The following BTBD2 variants were observed in gnomAD, a reference collection of about 807,000 sequenced individuals.
BTBD2 encodes BTB/POZ domain-containing protein 2.
BTBD2 carries 15 observed loss-of-function variants against 44.0 expected under a neutral mutation model. The observed-to-expected ratio is 0.34, with a 90% confidence interval of 0.23 to 0.53. The LOEUF (loss-of-function observed/expected upper bound fraction) is 0.53. Among genes scored for constraint, BTBD2 ranks in the 20% least tolerant of loss-of-function variants. BTBD2 has a pLI of 0.95. For missense variants in BTBD2, 657 were observed against 746.4 expected (o/e 0.88, Z 1.39); for synonymous variants, 443 against 335.9 (o/e 1.32, Z -3.49).
At chr19:1,987,733 C>T (rs1436773728) in intron 5 of BTBD2, 41 bp from the exon 6 acceptor site, 2 of 1,530,132 alleles carry the variant, frequency 1.3e-6, no homozygotes, top group Non-Finnish European at 1.8e-6. Context: ...CGGGCTGCAC[C>T]CCAGGATCCC....
At chr19:2,002,141 G>A (rs931641384) in intron 1 of BTBD2, among the ~76,000 whole-genome samples, 1 of 152,174 alleles carries the variant, frequency 6.6e-6, no homozygotes. Context: ...AAGTGCAGTG[G>A]CACGATCATA....
rs141214800 is a variant in BTBD2, at chr19:1,990,175, C to T, written c.817G>A (p.Asp273Asn). 86 of 1,606,632 alleles carry T rather than the reference C, an allele frequency of 5.4e-5. 1 individual carries two copies. Among genetic ancestry groups the T allele is most frequent in the Admixed American group, 6.8e-5 (4 of 59,182 alleles). The change falls in exon 5 of 9, where the codon GAC (aspartate) becomes AAC (asparagine). Residue 273 changes from aspartate (D) to asparagine (N), a missense_variant. Asp to Asn is a conservative substitution (Grantham distance 23, BLOSUM62 1). Around this residue, in one of 3 missense-constraint regions of BTBD2, gnomAD observed 449 missense variants for 510.9 expected, o/e 0.88. Transcript: ENST00000255608. ...CGCACCTCACGGATGCCCAGTGTGT[C>T]GCGCTCCAGGACAGCCACCAGCGTG... ...LDTLVAVLER[D>N]TLGIREVRLF... is the part of the protein sequence containing the mutation.
chr19:1,990,820 C>T lies in BTBD2; in HGVS notation c.687G>A (p.Ala229=), dbSNP rs1037288334. The change falls in exon 4 of 9, where the codon GCG becomes GCA. Residue 229 remains alanine, a splice_region_variant and synonymous_variant. Transcript: ENST00000255608. ...ADNAFMLLTQ[A]RLFDEPQLAS... ...CCAGCTGCGGTTCATCGAAGAGTCGCGCCTGGCAAGAGACATCGACGGGGG... is the reference window on the plus strand; with the variant it reads ...CCAGCTGCGGTTCATCGAAGAGTCGTGCCTGGCAAGAGACATCGACGGGGG... 7.7e-6 allele frequency: 12 copies of T among 1,564,824 alleles called. No homozygotes were observed. The highest frequency in any genetic ancestry group is 3.6e-4 in the Middle Eastern group (2 of 5,494).
At chr19:1,989,217 C>T (rs2016137272) in intron 5 of BTBD2, among the ~76,000 whole-genome samples, 1 of 152,170 alleles carries the variant, frequency 6.6e-6, no homozygotes, top group South Asian at 2.1e-4. Context: ...ATAGCAAGAC[C>T]CTGTCCCCAC....
intron 5 of BTBD2, 24 bp from the exon 6 acceptor site, chr19:1,987,716 GGAGGGCCGGGCTGCACCCCAGGATCCC>G: frequency 1.9e-6 from 3 of 1,564,654 alleles, no homozygotes; most frequent in Non-Finnish European, 2.6e-6. Context: ...AGGGTGTGGG[GGAGGGCCGGGCTGCACCCCAGGATCCC>G]GAGTGCCTGG....
chr19:2,007,869 G>A (rs564569287), intron 1 of BTBD2, among the ~76,000 whole-genome samples: 5 of 152,208 alleles, frequency 3.3e-5, no homozygotes, highest in South Asian at 2.1e-4. Context: ...GTTCCATAAG[G>A]AAGGAGATGT....
At chr19:2,000,027 G>A (rs1020925938) in intron 1 of BTBD2, among the ~76,000 whole-genome samples, 3 of 152,062 alleles carry the variant, frequency 2.0e-5, no homozygotes. Flanking sequence ...GCATGAAGCA[G>A]GGACTGGAGC....
At chr19:2,005,194 C>T (rs1012326514) in intron 1 of BTBD2, among the ~76,000 whole-genome samples, 4 of 152,164 alleles carry the variant, frequency 2.6e-5, no homozygotes, top group African/African-American at 4.8e-5. Context: ...GGCTGGTCTG[C>T]GGGTTTTCCG....
At chr19:2,004,638 A>T (rs2016371757) in intron 1 of BTBD2, among the ~76,000 whole-genome samples, 1 of 150,364 alleles carries the variant, frequency 6.7e-6, no homozygotes, top group Non-Finnish European at 1.5e-5. Flanking sequence ...CCTGTCTCAG[A>T]TATTCAGGGT....
chr19:2,000,480 T>G (rs2016315066), intron 1 of BTBD2, among the ~76,000 whole-genome samples: 1 of 152,160 alleles, frequency 6.6e-6, no homozygotes, highest in Non-Finnish European at 1.5e-5. Context: ...TCCATGCAGT[T>G]TGGAATCAGG....
chr19:2,003,603 T>A (rs1162855578), intron 1 of BTBD2: 1 of 151,808 alleles, frequency 6.6e-6, no homozygotes, highest in Non-Finnish European at 1.5e-5. Flanking sequence ...ATCCCGTCTC[T>A]ACTAAAAATA....
rs73527324 is a variant in BTBD2, at chr19:1,989,417, G to A, written c.988+587C>T. The A allele has an allele frequency of 7.3e-3, 1,138 of 155,946 alleles. 13 individuals are homozygous for A. The highest frequency in any genetic ancestry group is 0.02 in the African/African-American group (849 of 41,606). 9.7% of individuals were successfully genotyped at this position (155,946 alleles called of 1,614,324 possible). On this transcript the variant is annotated intron_variant, in intron 5 of 8. Transcript: ENST00000255608. ...TGGCGACCTTCAGCTAAGCAAGAGC[G>A]GGGGCCGCGTGGACCTGGGGAAGGC...
intron 1 of BTBD2, among the ~76,000 whole-genome samples, chr19:2,008,611 G>A (rs35417847): frequency 0.18 from 24,710 of 137,880 alleles, 2,378 homozygotes; most frequent in East Asian, 0.29. Flanking sequence ...TTTTTTTTAG[G>A]GACAGAGTCT....
intron 1 of BTBD2, among the ~76,000 whole-genome samples, chr19:2,001,983 C>T (rs1259577502): frequency 6.6e-6 from 1 of 152,184 alleles, no homozygotes; most frequent in East Asian, 1.9e-4. Context: ...TCAGATGATC[C>T]GCCCGCCTCC....
intron 7 of BTBD2, 62 bp from the exon 8 acceptor site, chr19:1,987,038 G>A (rs2016096261): frequency 6.3e-7 from 1 of 1,595,320 alleles, no homozygotes; most frequent in Non-Finnish European, 8.6e-7. Context: ...ACCCCTCGAG[G>A]CCCAGCCCAC....
intron 5 of BTBD2, 58 bp from the exon 6 acceptor site, chr19:1,987,750 C>A: frequency 6.7e-7 from 1 of 1,483,222 alleles, no homozygotes; most frequent in Middle Eastern, 1.9e-4. Flanking sequence ...TCCCGAGTGC[C>A]TGGGAGGACA....
intron 1 of BTBD2, among the ~76,000 whole-genome samples, chr19:2,011,612 A>T (rs529402747): frequency 1.3e-4 from 20 of 152,270 alleles, no homozygotes; most frequent in Non-Finnish European, 2.5e-4. Context: ...TGCTAAGGAA[A>T]CACAGATGAC....
Position 2,015,288 on chromosome 19 carries a change from G to A in BTBD2, c.407+9C>T. On this transcript the variant is annotated intron_variant, in intron 1 of 8. Transcript: ENST00000255608. ...TCGGGGCCAGGGCTGGCGGGGTCGG[G>A]GCGCCCACCTGTGCGCGGGGATGCG... 15 of 1,544,460 alleles carry A rather than the reference G, an allele frequency of 9.7e-6. No individual in the cohort carries two copies. The highest frequency in any genetic ancestry group is 1.3e-5 in the Non-Finnish European group (15 of 1,151,762).
rs79296887 is a variant in BTBD2 at position 1,995,574 on chromosome 19, G to A, written c.527+1770C>T. 7.4e-4 allele frequency among the ~76,000 whole-genome samples: 113 copies of A among 151,702 alleles called. 2 individuals are homozygous for A. In the East Asian group the frequency reaches 0.018, roughly 24 times the overall value. ...TGGGATTACAGGCCTGAGCCACTGCGCCTGGCCACTTTGGATTCTTCTAAG... is the reference window on the plus strand; with the variant it reads ...TGGGATTACAGGCCTGAGCCACTGCACCTGGCCACTTTGGATTCTTCTAAG... On this transcript the variant is annotated intron_variant, in intron 2 of 8. Coordinates refer to ENST00000255608, the MANE Select transcript of BTBD2 (RefSeq NM_017797.4).
Sources: gnomAD v4.1 joint callset for allele counts (sites outside exome capture counted in the v4.1 genomes callset) on GRCh38, gnomAD v4.1.1 for gene constraint, gnomAD v4.1.1 regional missense constraint, MANE v1.5 for transcripts, NCBI Gene and HGNC (gene_info 2026-07-23, HGNC 2026-07-21) for gene names.